The following EXD1 variants were observed in gnomAD, a reference collection of about 807,000 sequenced individuals.
EXD1 encodes the protein piRNA biogenesis protein EXD1.
EXD1 carries 63 observed loss-of-function variants against 49.1 expected under a neutral mutation model. The ratio of observed to expected loss-of-function variants is 1.28; its 90% CI spans 1.05 to 1.58. The LOEUF (loss-of-function observed/expected upper bound fraction) is 1.58, where lower values mean the gene tolerates loss of function less well. EXD1 is among the 40% of genes most tolerant of loss of function. The pLI is 0.00. For missense variants in EXD1, 748 were observed against 666.0 expected (o/e 1.12, Z -1.36); for synonymous variants, 234 against 239.2 (o/e 0.98, Z 0.20).
chr15:41,204,762 A>T (rs1158272622), intron 7 of EXD1, among the ~76,000 whole-genome samples: 1 of 152,056 alleles, frequency 6.6e-6, no homozygotes, highest in African/African-American at 2.4e-5. Context: ...ACATACACAT[A>T]TATATATACA....
In EXD1 at chr15:41,230,069, G is replaced by C. The variant is rs546407554; in HGVS notation, c.-54+410C>G. The stretch of plus-strand genomic sequence containing the variant: ...ACCTGAGAGTAGGCACTAATTTAAC[G>C]GGTGGCTTTTACCTTTTTTTTTTTT... On this transcript the variant is annotated intron_variant, in intron 1 of 11. Transcript: ENST00000458580. Among the ~76,000 whole-genome samples the C allele has an allele frequency of 2.7e-5, 4 of 150,178 alleles. No individual in the cohort carries two copies. In the South Asian group the frequency reaches 6.3e-4, roughly 24 times the overall value.
chr15:41,229,613 A>G (rs576609058), intron 1 of EXD1, among the ~76,000 whole-genome samples: 5 of 152,082 alleles, frequency 3.3e-5, no homozygotes, highest in Non-Finnish European at 7.4e-5. Flanking sequence ...TACTAAAAAT[A>G]CAAAATTAGC....
Position 41,215,443 on chromosome 15 carries a change from T to G in EXD1, c.447+332A>C, listed in dbSNP as rs2046984800. ...GGCTCATGCCTGTAATCCCAGCACT[T>G]TGGGAGGCCGAGGCGGGTGGATCAC... On this transcript the variant is annotated intron_variant, in intron 6 of 11. Coordinates refer to ENST00000458580, the MANE Select transcript of EXD1 (RefSeq NM_001286441.2). Among the ~76,000 whole-genome samples, 3 of 152,110 alleles carry G rather than the reference T, an allele frequency of 2.0e-5. No homozygotes were observed. In the South Asian group the frequency reaches 6.2e-4, roughly 32 times the overall value.
chr15:41,194,647 C>A (rs1411597392), intron 9 of EXD1, among the ~76,000 whole-genome samples: 1 of 152,144 alleles, frequency 6.6e-6, no homozygotes, highest in Non-Finnish European at 1.5e-5. Context: ...CAATAAGAAA[C>A]TAATACACTG....
Position 41,191,595 on chromosome 15 carries a change from T to G in EXD1, c.721-10A>C. The G allele has an allele frequency of 1.2e-6, 2 of 1,613,148 alleles. No individual in the cohort carries two copies. Among genetic ancestry groups the G allele is most frequent in the Non-Finnish European group, 1.7e-6 (2 of 1,179,596 alleles). ...GAAGTACATCTGCTACCTGTGGTAT[T>G]TTAAAAAGACAAACAGACCAGTTGA... is the stretch of plus-strand genomic sequence containing the variant. On this transcript the variant is annotated splice_polypyrimidine_tract_variant and intron_variant, in intron 9 of 11. Coordinates refer to ENST00000458580, the MANE Select transcript of EXD1 (RefSeq NM_001286441.2).
At chr15:41,223,758 G>T (rs993008396) in intron 2 of EXD1, among the ~76,000 whole-genome samples, 5 of 151,612 alleles carry the variant, frequency 3.3e-5, no homozygotes, top group African/African-American at 1.2e-4. Flanking sequence ...CCAGCTACTT[G>T]GGAGTCTGAG....
At chr15:41,199,649 A>G (rs9672342) in intron 7 of EXD1, among the ~76,000 whole-genome samples, 1 of 127,104 alleles carries the variant, frequency 7.9e-6, no homozygotes, top group Non-Finnish European at 1.7e-5. Context: ...TAAAATATAT[A>G]TCATATATAT....
At chr15:41,216,584 T>G in intron 5 of EXD1, 84 bp downstream of exon 5, 1 of 1,391,010 alleles carries the variant, frequency 7.2e-7, no homozygotes, top group Non-Finnish European at 9.6e-7. Flanking sequence ...TGAGCCGAGA[T>G]CACGCCATTG....
intron 1 of EXD1, 21 bp from the exon 2 acceptor site, chr15:41,226,649 T>C (rs1323507929): frequency 6.8e-7 from 1 of 1,461,634 alleles, no homozygotes; most frequent in Non-Finnish European, 9.0e-7. Flanking sequence ...AATAAAGAGA[T>C]CTATGAATTT....
intron 7 of EXD1, among the ~76,000 whole-genome samples, chr15:41,199,488 G>T (rs1300017413): frequency 2.0e-5 from 3 of 149,088 alleles, no homozygotes; most frequent in African/African-American, 4.9e-5. Context: ...GTTCCTGGAG[G>T]GGGTGGGTGG....
At chr15:41,199,595 ATATATAT>A (rs113340271) in intron 7 of EXD1, among the ~76,000 whole-genome samples, 36,881 of 141,412 alleles carry the variant, frequency 0.26, 6,407 homozygotes, top group African/African-American at 0.49. Flanking sequence ...AATTTGTTTT[ATATATAT>A]TATATATTAT....
Position 41,216,716 on chromosome 15 carries a change from CA to C in EXD1, c.339del (p.Glu114LysfsTer8), listed in dbSNP as rs1416278898. 1 of 1,613,590 alleles carries C rather than the reference CA, an allele frequency of 6.2e-7. No individual in the cohort carries two copies. Among genetic ancestry groups the C allele is most frequent in the Non-Finnish European group, 8.5e-7 (1 of 1,180,028 alleles). ...LNVCEPASPA[P>X]EAPATSLLND... ...TTCAGCAGAGAGGTAGCTGGTGCTT[CA>C]GGGGCAGGAGAAGCAGGCTCACATA... On this transcript the variant is annotated frameshift_variant, in exon 5 of 12. Coordinates refer to ENST00000458580, the MANE Select transcript of EXD1 (RefSeq NM_001286441.2). LOFTEE classifies it high-confidence loss of function.
intron 7 of EXD1, among the ~76,000 whole-genome samples, chr15:41,203,942 A>C (rs1595441240): frequency 7.0e-6 from 1 of 143,712 alleles, no homozygotes; most frequent in Non-Finnish European, 1.5e-5. Flanking sequence ...AAAAAAAAAA[A>C]AACCCTAAAA....
intron 11 of EXD1, among the ~76,000 whole-genome samples, chr15:41,189,523 C>T (rs1249883653): frequency 1.3e-5 from 2 of 150,962 alleles, no homozygotes; most frequent in Admixed American, 6.6e-5. Flanking sequence ...ATTAGCCAGG[C>T]GTGGTGGCAC....
chr15:41,221,961 G>A (rs952160745), intron 2 of EXD1, among the ~76,000 whole-genome samples: 1 of 151,456 alleles, frequency 6.6e-6, no homozygotes, highest in East Asian at 2.0e-4. Context: ...TTAGCCAGGC[G>A]CGGTGGCAGG....
At chr15:41,190,479 CAAAAAAAGAA>C (rs1273542659) in intron 10 of EXD1, 22 of 243,020 alleles carry the variant, frequency 9.1e-5, no homozygotes, top group South Asian at 8.0e-4. Flanking sequence ...GACTCCGTCT[CAAAAAAAGAA>C]AAAAAAAGAA....
intron 6 of EXD1, among the ~76,000 whole-genome samples, chr15:41,210,931 T>A (rs2046912202): frequency 6.6e-6 from 1 of 152,162 alleles, no homozygotes; most frequent in South Asian, 2.1e-4. Context: ...TCATCAATGA[T>A]GAGAAAATGG....
In EXD1 at chr15:41,195,760, C is replaced by A; in HGVS notation, c.720+15G>T. The A allele has an allele frequency of 6.2e-7, 1 of 1,603,970 alleles. No homozygotes were observed. Among genetic ancestry groups the A allele is most frequent in the Non-Finnish European group, 8.5e-7 (1 of 1,175,274 alleles). ...TGTATATACTGGTTTGAATCCAGTG[C>A]TTCCCTTCATGTACCTGTGTGTCAA... is the stretch of plus-strand genomic sequence containing the variant. On this transcript the variant is annotated intron_variant, in intron 9 of 11. Coordinates refer to ENST00000458580, the MANE Select transcript of EXD1 (RefSeq NM_001286441.2).
chr15:41,184,170 C>G lies in EXD1; in HGVS notation c.1480G>C (p.Glu494Gln), dbSNP rs2046366921. The G allele has an allele frequency of 1.2e-6, 2 of 1,614,188 alleles. No individual in the cohort carries two copies. The highest frequency in any genetic ancestry group is 1.7e-5 in the Admixed American group (1 of 60,010). The change falls in exon 12 of 12, where the codon GAG (glutamate) becomes CAG (glutamine). Residue 494 changes from glutamate (E) to glutamine (Q), a missense_variant. By Grantham distance (29) the Glu-to-Gln change is conservative (BLOSUM62 2). Coordinates refer to ENST00000458580, the MANE Select transcript of EXD1 (RefSeq NM_001286441.2). ...TTCAAAGATAAACTTGCCTGAAACT[C>G]ATGTTTGGGTGTCATAAAGTGTTCT... ...QKEHFMTPKHEFQASLSLKEE... is the reference protein window; with the variant it reads ...QKEHFMTPKHQFQASLSLKEE...
Sources: gnomAD v4.1 joint callset for allele counts (sites outside exome capture counted in the v4.1 genomes callset) on GRCh38, gnomAD v4.1.1 for gene constraint, MANE v1.5 for transcripts, NCBI Gene and HGNC (gene_info 2026-07-23, HGNC 2026-07-21) for gene names.